TRPA1: variants seen among roughly 807,000 people sequenced by gnomAD.
TRPA1 encodes transient receptor potential cation channel subfamily A member 1, also known as ankyrin-like with transmembrane domains 1.
Under a neutral mutation model 131.3 loss-of-function variants are expected in TRPA1, and 129 were observed. The observed-to-expected ratio is 0.98, with a 90% confidence interval of 0.85 to 1.14. The LOEUF is 1.14. Among genes scored for constraint, TRPA1 ranks in the 50% most tolerant of loss-of-function variants. The pLI, the probability that TRPA1 is intolerant of heterozygous loss-of-function variation, is 0.00. For synonymous variants in TRPA1, 441 were observed against 451.7 expected, an observed-to-expected ratio of 0.98 and a Z score of 0.30; for missense variants, 1,304 against 1,354.2, an observed-to-expected ratio of 0.96 and a Z score of 0.58.
At chr8:72,058,269 T>C (rs1266107844) in intron 8 of TRPA1, among the ~76,000 whole-genome samples, 2 of 152,172 alleles carry the variant, frequency 1.3e-5, no homozygotes, top group Non-Finnish European at 2.9e-5. Flanking sequence ...ATAGATGAAC[T>C]GAAATAATTG....
At chr8:72,040,393 C>G (rs1812213178) in intron 17 of TRPA1, among the ~76,000 whole-genome samples, 1 of 152,048 alleles carries the variant, frequency 6.6e-6, no homozygotes, top group African/African-American at 2.4e-5. Flanking sequence ...TCTTTGTGAG[C>G]AATCCCAAAC....
intron 17 of TRPA1, among the ~76,000 whole-genome samples, chr8:72,046,116 G>A (rs186833720): frequency 2.2e-4 from 33 of 152,110 alleles, no homozygotes; most frequent in Admixed American, 1.3e-3. Flanking sequence ...TGGCAAGCAA[G>A]TGTTACCTGT....
chr8:72,076,440 T>C (rs927197662), upstream of TRPA1: 9 of 152,198 alleles, frequency 5.9e-5, no homozygotes, highest in East Asian at 1.7e-3. Context: ...TTTACAAGGC[T>C]AGAACGCAAG....
intron 24 of TRPA1, among the ~76,000 whole-genome samples, chr8:72,029,547 C>G (rs1317965055): frequency 6.6e-6 from 1 of 152,096 alleles, no homozygotes; most frequent in Non-Finnish European, 1.5e-5. Context: ...TTTAAATAAA[C>G]GTGATGCAGA....
At chr8:72,052,401 G>A (rs968572339) in intron 14 of TRPA1, 198 bp downstream of exon 14, 8 of 506,194 alleles carry the variant, frequency 1.6e-5, no homozygotes, top group South Asian at 4.3e-5. Flanking sequence ...CAGCCTGTGC[G>A]ACAGAGCTAG....
At chr8:72,054,194 G>A (rs1348337106) in intron 12 of TRPA1, 6 of 329,536 alleles carry the variant, frequency 1.8e-5, no homozygotes, top group Non-Finnish European at 3.5e-5. Context: ...AAGCTATAAT[G>A]AACTGATACA....
chr8:72,039,027 C>T lies in TRPA1; in HGVS notation c.2133G>A (p.Trp711Ter). Reference sequence around the variant, plus strand: ...TATGAGCTCTAAATCCATAAGCCAACCTACAAAAATATAAGCAAACCAGAA... The same window carrying T: ...TATGAGCTCTAAATCCATAAGCCAATCTACAAAAATATAAGCAAACCAGAA... ...PVCKEYLLMKWLAYGFRAHMM... is the reference protein window; with the variant it reads ...PVCKEYLLMK The change falls in exon 19 of 27, where the codon TGG becomes TGA. Residue 711 changes from tryptophan (W) to a stop codon, truncating the protein, a stop_gained and splice_region_variant. Coordinates refer to ENST00000262209, the MANE Select transcript of TRPA1 (RefSeq NM_007332.3). LOFTEE classifies it high-confidence loss of function. The T allele has an allele frequency of 6.2e-7, 1 of 1,612,012 alleles. No homozygotes were observed. The highest frequency in any genetic ancestry group is 8.5e-7 in the Non-Finnish European group (1 of 1,179,064).
intron 14 of TRPA1, among the ~76,000 whole-genome samples, chr8:72,051,634 A>G (rs1464400098): frequency 6.6e-6 from 1 of 152,216 alleles, no homozygotes; most frequent in Non-Finnish European, 1.5e-5. Context: ...ATGCTCAAAA[A>G]CACAGGCTTG....
At chr8:72,031,705 G>C (rs772307825) in intron 23 of TRPA1, among the ~76,000 whole-genome samples, 1 of 152,014 alleles carries the variant, frequency 6.6e-6, no homozygotes, top group Non-Finnish European at 1.5e-5. Flanking sequence ...GGGCTCTGAA[G>C]ACATTTGAGC....
chr8:72,024,727 G>A (rs1364253034), intron 25 of TRPA1, among the ~76,000 whole-genome samples: 1 of 152,144 alleles, frequency 6.6e-6, no homozygotes, highest in African/African-American at 2.4e-5. Flanking sequence ...TGTCAAGTAG[G>A]CAGCTGGATA....
chr8:72,046,396 A>G, intron 17 of TRPA1, 117 bp downstream of exon 17: 2 of 564,906 alleles, frequency 3.5e-6, no homozygotes, highest in Non-Finnish European at 6.1e-6. Context: ...GTCAAATGGT[A>G]TTTCTCATAT....
chr8:72,053,210 T>C (rs930343937), intron 13 of TRPA1: 12 of 206,106 alleles, frequency 5.8e-5, no homozygotes, highest in Non-Finnish European at 9.9e-5. Flanking sequence ...CTTCACAAGC[T>C]TGTAAATGTT....
chr8:72,025,999 G>A lies in TRPA1; in HGVS notation c.3012C>T (p.Ile1004=), dbSNP rs756362538. ...FLRKVDQKST[I]VYPNKPRSGG... ...CAGATCTGGGTTTGTTGGGATACACGATGGTGGATTTCTGATCCACTTTGC... is the reference window on the plus strand; with the variant it reads ...CAGATCTGGGTTTGTTGGGATACACAATGGTGGATTTCTGATCCACTTTGC... The change falls in exon 25 of 27, where the codon ATC becomes ATT. Residue 1004 remains isoleucine, a synonymous_variant. Transcript: ENST00000262209. 77 of 1,613,962 alleles carry A rather than the reference G, an allele frequency of 4.8e-5. No homozygotes were observed. Among genetic ancestry groups the A allele is most frequent in the Non-Finnish European group, 6.2e-5 (73 of 1,179,892 alleles).
chr8:72,034,407 C>A lies in TRPA1; in HGVS notation c.2556-30G>T. On this transcript the variant is annotated intron_variant, in intron 21 of 26. Coordinates refer to ENST00000262209, the MANE Select transcript of TRPA1 (RefSeq NM_007332.3). ...AAAAGTAAAAAAAAAAAAATTTACT[C>A]ACTTTTATAGTCAAAGTGTATTCAT... The A allele has an allele frequency of 3.0e-6, 4 of 1,341,454 alleles. No individual in the cohort carries two copies. The South Asian group carries it at 3.9e-5, about 13-fold the overall frequency. 83.1% of individuals were successfully genotyped at this position (1,341,454 alleles called of 1,614,324 possible).
At chr8:72,057,488 C>G (rs10092830) in intron 9 of TRPA1, among the ~76,000 whole-genome samples, 24,635 of 152,142 alleles carry the variant, frequency 0.16, 2,472 homozygotes, top group East Asian at 0.29. Flanking sequence ...TATAAATGTT[C>G]TCTACTATTG....
At chr8:72,087,703 A>G in the TRPA1 span, among the ~76,000 whole-genome samples, 5,831 of 151,778 alleles carry the variant, frequency 0.038, 378 homozygotes, top group African/African-American at 0.13. Flanking sequence ...GTCTTTGTCA[A>G]TGTAACATAT....
chr8:72,026,089 G>A lies in TRPA1; in HGVS notation c.2938-16C>T, dbSNP rs1007776403. ...GAAGTTCCACCTAAAGTGCATTTTG[G>A]ATTTATTGATAGAATCATTAGTTAG... is the stretch of plus-strand genomic sequence containing the variant. On this transcript the variant is annotated splice_polypyrimidine_tract_variant and intron_variant, in intron 24 of 26. Transcript: ENST00000262209. 1 of 1,594,278 alleles carries A rather than the reference G, an allele frequency of 6.3e-7. No homozygotes were observed. The highest frequency in any genetic ancestry group is 8.6e-7 in the Non-Finnish European group (1 of 1,162,372).
In TRPA1 at chr8:72,069,010, C is replaced by A. The variant is rs1185014274; in HGVS notation, c.444+13G>T. ...CGCCGGTCAGGCCCTTTGGAGCCGGCCAGTAGCCTTACCTTCATCACCTCA... is the reference window on the plus strand; with the variant it reads ...CGCCGGTCAGGCCCTTTGGAGCCGGACAGTAGCCTTACCTTCATCACCTCA... On this transcript the variant is annotated intron_variant, in intron 3 of 26. Transcript: ENST00000262209. 6.2e-7 allele frequency: 1 copy of A among 1,614,150 alleles called. No homozygotes were observed.
At chr8:72,086,226 AT>A in the TRPA1 span, among the ~76,000 whole-genome samples, 29 of 151,940 alleles carry the variant, frequency 1.9e-4, 1 homozygote, top group Non-Finnish European at 5.9e-5. Flanking sequence ...TTTTCTTATG[AT>A]TTTCCTTAAT....
Sources: gnomAD v4.1 joint callset for allele counts (sites outside exome capture counted in the v4.1 genomes callset) on GRCh38, gnomAD v4.1.1 for gene constraint, MANE v1.5 for transcripts, NCBI Gene and HGNC (gene_info 2026-07-23, HGNC 2026-07-21) for gene names.